Variants in SEMA3D observed in about 807,000 individuals in gnomAD.
SEMA3D encodes semaphorin-3D.
Under a neutral mutation model 100.1 loss-of-function variants are expected in SEMA3D, and 84 were observed. That is an observed-to-expected ratio of 0.84 (90% CI 0.70 to 1.01). The LOEUF (loss-of-function observed/expected upper bound fraction) is 1.01, where lower values mean the gene tolerates loss of function less well. SEMA3D is among the 50% of genes least tolerant of loss of function. The probability of loss-of-function intolerance (pLI) is 0.00; values close to 1 mark genes in which losing one functional copy is unlikely to be tolerated. For missense variants in SEMA3D, 875 were observed against 934.1 expected, an observed-to-expected ratio of 0.94 and a Z score of 0.82; for synonymous variants, 312 against 320.7, an observed-to-expected ratio of 0.97 and a Z score of 0.29.
intron 9 of SEMA3D, among the ~76,000 whole-genome samples, chr7:85,043,710 G>C (rs1562794850): frequency 6.6e-6 from 1 of 152,048 alleles, no homozygotes; most frequent in Admixed American, 6.6e-5. Context: ...TCTCGTGATA[G>C]TGAATGGGTC....
chr7:85,216,388 T>TGA, the SEMA3D span, among the ~76,000 whole-genome samples: 4 of 150,808 alleles, frequency 2.7e-5, no homozygotes, highest in African/African-American at 7.3e-5. Flanking sequence ...TGTGTGTGTG[T>TGA]GAAAAAATCA....
the SEMA3D span, among the ~76,000 whole-genome samples, chr7:85,226,023 A>G: frequency 6.6e-6 from 1 of 152,114 alleles, no homozygotes; most frequent in African/African-American, 2.4e-5. Context: ...TCTTTCACTA[A>G]TCCATCATTA....
At chr7:85,141,778 C>G (rs924011556) in intron 2 of SEMA3D, 1 of 805,608 alleles carries the variant, frequency 1.2e-6, no homozygotes, top group East Asian at 1.3e-4. Context: ...TGCCAAGTCT[C>G]ATAAATCTGG....
At chr7:85,123,416 T>G (rs1287326890) in intron 2 of SEMA3D, among the ~76,000 whole-genome samples, 1 of 152,154 alleles carries the variant, frequency 6.6e-6, no homozygotes, top group Non-Finnish European at 1.5e-5. Flanking sequence ...AATAAATATT[T>G]TATGCCTATA....
At chr7:85,137,994 C>A (rs1228284572) in intron 2 of SEMA3D, among the ~76,000 whole-genome samples, 2 of 152,122 alleles carry the variant, frequency 1.3e-5, no homozygotes, top group East Asian at 3.9e-4. Context: ...GTCAAATTTT[C>A]TTGCATATGG....
chr7:85,174,380 G>C (rs1791168818), intron 1 of SEMA3D, among the ~76,000 whole-genome samples: 1 of 152,018 alleles, frequency 6.6e-6, no homozygotes, highest in African/African-American at 2.4e-5. Context: ...GGAGTTAGGA[G>C]GGCTTCAAGA....
chr7:85,054,058 A>T (rs1370015430), intron 9 of SEMA3D, among the ~76,000 whole-genome samples: 1 of 151,958 alleles, frequency 6.6e-6, no homozygotes, highest in Non-Finnish European at 1.5e-5. Flanking sequence ...ATAGGTTATA[A>T]TTTTAATATA....
chr7:85,084,515 T>C (rs1396252940), intron 4 of SEMA3D, among the ~76,000 whole-genome samples: 1 of 152,168 alleles, frequency 6.6e-6, no homozygotes, highest in Non-Finnish European at 1.5e-5. Flanking sequence ...ATTGATTTAA[T>C]ATTTTTAATG....
chr7:85,242,126 T>C, the SEMA3D span, among the ~76,000 whole-genome samples: 1 of 152,144 alleles, frequency 6.6e-6, no homozygotes, highest in South Asian at 2.1e-4. Flanking sequence ...TCTCAAAGAA[T>C]CAGCCTTTGG....
intron 12 of SEMA3D, among the ~76,000 whole-genome samples, chr7:85,034,597 ACT>A (rs929796769): frequency 7.9e-5 from 12 of 152,198 alleles, no homozygotes; most frequent in African/African-American, 2.9e-4. Context: ...ACAGAGCGAG[ACT>A]CTGACAAAAA....
At chr7:85,079,672 T>C (rs1228430303) in intron 5 of SEMA3D, among the ~76,000 whole-genome samples, 3 of 152,232 alleles carry the variant, frequency 2.0e-5, no homozygotes, top group African/African-American at 7.2e-5. Flanking sequence ...TGACCTTGAC[T>C]GTTTATCCCT....
At chr7:85,072,446 T>A (rs771876083) in intron 6 of SEMA3D, among the ~76,000 whole-genome samples, 3 of 152,176 alleles carry the variant, frequency 2.0e-5, no homozygotes, top group East Asian at 1.9e-4. Flanking sequence ...CACTGCAAGA[T>A]CTTATGGAAA....
upstream of SEMA3D, among the ~76,000 whole-genome samples, chr7:85,187,499 A>G (rs574946637): frequency 7.9e-5 from 12 of 152,330 alleles, no homozygotes; most frequent in South Asian, 2.3e-3. Flanking sequence ...AGGAACAGGG[A>G]TCAACCCTCC....
intron 4 of SEMA3D, among the ~76,000 whole-genome samples, chr7:85,083,740 G>A (rs1445550401): frequency 8.1e-5 from 12 of 148,320 alleles, no homozygotes; most frequent in Admixed American, 2.7e-4. Context: ...CCAGCTACTC[G>A]GGAGGCTGAG....
At chr7:85,248,743 T>C in the SEMA3D span, among the ~76,000 whole-genome samples, 1 of 152,008 alleles carries the variant, frequency 6.6e-6, no homozygotes, top group African/African-American at 2.4e-5. Flanking sequence ...AAATACTGTA[T>C]GATTCTAATA....
chr7:85,140,373 T>G (rs1459721952), intron 2 of SEMA3D: 1 of 979,168 alleles, frequency 1.0e-6, no homozygotes, highest in East Asian at 1.1e-4. Context: ...AGCCAGTAGA[T>G]GTTGGTAAAT....
chr7:85,193,870 T>TA, the SEMA3D span, among the ~76,000 whole-genome samples: 1 of 105,338 alleles, frequency 9.5e-6, no homozygotes. Flanking sequence ...TAAACCATAC[T>TA]AAAGGAAAAA....
chr7:85,193,563 C>G, the SEMA3D span, among the ~76,000 whole-genome samples: 1 of 152,056 alleles, frequency 6.6e-6, no homozygotes, highest in African/African-American at 2.4e-5. Context: ...GGGATATACT[C>G]AAAGCCAGCC....
intron 5 of SEMA3D, among the ~76,000 whole-genome samples, chr7:85,080,521 T>C (rs1265246370): frequency 6.6e-6 from 1 of 152,084 alleles, no homozygotes; most frequent in Non-Finnish European, 1.5e-5. Flanking sequence ...ATTATTGTGG[T>C]TAGAGGTACG....
Sources: gnomAD v4.1 joint callset for allele counts (sites outside exome capture counted in the v4.1 genomes callset) on GRCh38, gnomAD v4.1.1 for gene constraint, MANE v1.5 for transcripts, NCBI Gene and HGNC (gene_info 2026-07-23, HGNC 2026-07-21) for gene names.